ACACA: variants seen among roughly 807,000 people sequenced by gnomAD.
ACACA encodes acetyl-CoA carboxylase 1.
A neutral mutation model predicts 296.1 loss-of-function variants in ACACA; 103 were observed. The ratio of observed to expected loss-of-function variants is 0.35; its 90% confidence interval spans 0.30 to 0.41. The LOEUF is 0.41. Ranked by LOEUF, ACACA falls within the 10% of genes least tolerant of loss-of-function variation. The probability of loss-of-function intolerance (pLI) is 1.00; values close to 1 mark genes in which losing one functional copy is unlikely to be tolerated. For missense variants in ACACA, 1,554 were observed against 2,989.7 expected (o/e 0.52, Z 11.20); for synonymous variants, 953 against 1,038.6 (o/e 0.92, Z 1.58).
rs1035876490 is a variant in ACACA, at chr17:37,085,752, T to C, written c.*1564A>G. ...AGTCCAGCCAATCTATCCGCACAGATTCCTCCTGAAGAAGGGGAGGTGGAG... is the reference window on the plus strand; with the variant it reads ...AGTCCAGCCAATCTATCCGCACAGACTCCTCCTGAAGAAGGGGAGGTGGAG... On this transcript the variant is annotated 3_prime_UTR_variant, in exon 56 of 56. Transcript: ENST00000616317. 23 of 399,162 alleles carry C rather than the reference T, an allele frequency of 5.8e-5. No individual in the cohort carries two copies. Among genetic ancestry groups the C allele is most frequent in the African/African-American group, 4.3e-4 (21 of 48,626 alleles). 24.7% of individuals were successfully genotyped at this position (399,162 alleles called of 1,614,324 possible).
At chr17:37,265,090 G>A (rs2081696028) in intron 10 of ACACA, among the ~76,000 whole-genome samples, 1 of 152,184 alleles carries the variant, frequency 6.6e-6, no homozygotes, top group South Asian at 2.1e-4. Flanking sequence ...TGTGTTCCAA[G>A]AGGGGAAGAA....
intron 3 of ACACA, among the ~76,000 whole-genome samples, chr17:37,312,290 A>G (rs545192142): frequency 6.6e-6 from 1 of 152,312 alleles, no homozygotes; most frequent in East Asian, 1.9e-4. Flanking sequence ...GGAATAAGCA[A>G]AGAGGGAAAA....
At chr17:37,181,424 C>CT (rs996781778) in intron 39 of ACACA, 68 bp from the exon 40 acceptor site, 363 of 1,554,662 alleles carry the variant, frequency 2.3e-4, no homozygotes, top group Non-Finnish European at 3.0e-4. Flanking sequence ...CCTAGAGGGG[C>CT]TTTTTTTGCA....
intron 41 of ACACA, 71 bp downstream of exon 41, chr17:37,179,189 G>T: frequency 1.3e-6 from 2 of 1,583,304 alleles, no homozygotes; most frequent in South Asian, 2.2e-5. Flanking sequence ...GCTATTTAAT[G>T]ACCACCTCAC....
intron 1 of ACACA, among the ~76,000 whole-genome samples, chr17:37,380,712 C>T (rs1353264821): frequency 6.6e-6 from 1 of 152,042 alleles, no homozygotes; most frequent in Non-Finnish European, 1.5e-5. Flanking sequence ...ATTCTCCTGC[C>T]TCAGCCTCCC....
chr17:37,302,639 T>A (rs566307821), intron 3 of ACACA, among the ~76,000 whole-genome samples: 18 of 152,368 alleles, frequency 1.2e-4, no homozygotes, highest in Admixed American at 7.2e-4. Context: ...TTTTAGTGTA[T>A]AAGTCTTATA....
At chr17:37,338,837 G>A (rs1294006476) in intron 2 of ACACA, among the ~76,000 whole-genome samples, 1 of 152,030 alleles carries the variant, frequency 6.6e-6, no homozygotes, top group African/African-American at 2.4e-5. Context: ...CTACTTGGGA[G>A]GCTGAGGCAT....
Position 37,121,438 on chromosome 17 carries a change from T to TA in ACACA, c.6190dup (p.Tyr2064LeufsTer61). 1 of 1,614,228 alleles carries TA rather than the reference T, an allele frequency of 6.2e-7. No individual in the cohort carries two copies. Among genetic ancestry groups the TA allele is most frequent in the Non-Finnish European group, 8.5e-7 (1 of 1,180,034 alleles). On this transcript the variant is annotated frameshift_variant, in exon 50 of 56. Coordinates refer to ENST00000616317, the MANE Select transcript of ACACA (RefSeq NM_198834.3). LOFTEE classifies it high-confidence loss of function. The stretch of plus-strand genomic sequence containing the variant: ...CCGGTTGAAGTCCTTGATGGCCTGA[T>TA]ACGTCTTAAACGCAGAATCTGGGAA...
intron 45 of ACACA, among the ~76,000 whole-genome samples, chr17:37,135,641 T>C (rs1003021912): frequency 6.6e-6 from 1 of 152,182 alleles, no homozygotes; most frequent in African/African-American, 2.4e-5. Flanking sequence ...ATCTCTTTAC[T>C]GAGGTACAGG....
intron 14 of ACACA, among the ~76,000 whole-genome samples, chr17:37,255,354 C>T (rs1197362476): frequency 6.6e-6 from 1 of 152,108 alleles, no homozygotes; most frequent in Non-Finnish European, 1.5e-5. Context: ...AAACCCCAAG[C>T]TGAGATATAG....
chr17:37,347,838 G>A (rs190558897), intron 1 of ACACA, among the ~76,000 whole-genome samples: 84 of 150,480 alleles, frequency 5.6e-4, no homozygotes, highest in African/African-American at 2.0e-3. Flanking sequence ...AAACAACTCA[G>A]AAGATAAGGT....
rs2050782103 is a variant in ACACA at position 37,390,293 on chromosome 17, AT to A, written c.38+15968del. 1.7e-4 allele frequency among the ~76,000 whole-genome samples: 6 copies of A among 35,888 alleles called. No individual in the cohort carries two copies. In the South Asian group the frequency reaches 4.1e-3, roughly 24 times the overall value. 23.5% of individuals were successfully genotyped at this position (35,888 alleles called of 152,430 possible). A position where few individuals can be genotyped will look rare whatever the true frequency, so the allele number is the denominator to read the frequency against. ...TATAATATATTATATATAATTATAT[AT>A]TATACATAATTATATATATATATAT... On this transcript the variant is annotated intron_variant, in intron 1 of 55. Transcript: ENST00000616317.
At chr17:37,193,338 T>C (rs574645615) in intron 36 of ACACA, 36 bp downstream of exon 36, 1 of 1,095,280 alleles carries the variant, frequency 9.1e-7, no homozygotes. Flanking sequence ...GAAAAAGTAA[T>C]TTTTTTTTTT....
chr17:37,240,450 T>A (rs192238652), intron 24 of ACACA, 26 bp downstream of exon 24: 406 of 1,606,926 alleles, frequency 2.5e-4, no homozygotes, highest in Middle Eastern at 1.3e-3. Context: ...CTTTCTTAGC[T>A]AGAGAGTCCT....
intron 5 of ACACA, among the ~76,000 whole-genome samples, chr17:37,280,430 C>T (rs979148569): frequency 6.6e-6 from 1 of 152,128 alleles, no homozygotes; most frequent in Admixed American, 6.6e-5. Flanking sequence ...TGACCTTGAA[C>T]TCCTGGGTTC....
At chr17:37,402,378 C>T (rs1361832041) in intron 1 of ACACA, among the ~76,000 whole-genome samples, 1 of 152,016 alleles carries the variant, frequency 6.6e-6, no homozygotes, top group Non-Finnish European at 1.5e-5. Context: ...GAAGGTATGT[C>T]CACCTGGCTG....
At chr17:37,391,715 A>C in intron 1 of ACACA, 1 of 1,613,702 alleles carries the variant, frequency 6.2e-7, no homozygotes, top group African/African-American at 1.3e-5. Flanking sequence ...TCCACCAGAC[A>C]TACTTCTGAA....
At chr17:37,260,286 ATATATATATATTTTTTTTTT>A (rs1381521545) in intron 11 of ACACA, among the ~76,000 whole-genome samples, 6 of 30,896 alleles carry the variant, frequency 1.9e-4, no homozygotes, top group African/African-American at 9.5e-4. Context: ...ATATATATAT[ATATATATATATTTTTTTTTT>A]TTTTTTTTTT....
rs71368443 is a variant in ACACA, at chr17:37,119,589, AACACACACACACACACACACACAC to A, written c.6274+1742_6274+1765del. ...CAGGCAAAGGTAAACTTTTCAACCAAACACACACACACACACACACACACACACACACACACACACACACACACA... is the reference window on the plus strand; with the variant it reads ...CAGGCAAAGGTAAACTTTTCAACCAAACACACACACACACACACACACACA... On this transcript the variant is annotated intron_variant, in intron 50 of 55. Transcript: ENST00000616317. Among the ~76,000 whole-genome samples, 1,003 of 128,438 alleles carry A rather than the reference AACACACACACACACACACACACAC, an allele frequency of 7.8e-3. 10 individuals carry two copies. The highest frequency in any genetic ancestry group is 0.028 in the African/African-American group (936 of 33,580). The allele number at this position is 128,438 out of a possible 152,430, so 84.3% of individuals were successfully genotyped here. A position where few individuals can be genotyped will look rare whatever the true frequency, so the allele number is the denominator to read the frequency against.
Sources: allele counts gnomAD v4.1 joint callset (sites outside exome capture counted in the v4.1 genomes callset), GRCh38; gene constraint gnomAD v4.1.1; transcripts MANE v1.5; gene names NCBI Gene and HGNC (gene_info 2026-07-23, HGNC 2026-07-21).